The following FANCI variants were observed in gnomAD, a reference collection of about 807,000 sequenced individuals.
FANCI encodes the protein Fanconi anemia group I protein.
In FANCI, 156 loss-of-function variants were observed where a neutral mutation model predicts 176.1. That is an observed-to-expected ratio of 0.89 (90% confidence interval 0.78 to 1.01). The LOEUF (loss-of-function observed/expected upper bound fraction) is 1.01, where lower values mean the gene tolerates loss of function less well. Among genes scored for constraint, FANCI ranks in the 50% least tolerant of loss-of-function variants. The pLI is 0.00. For missense variants in FANCI, 1,678 were observed against 1,534.1 expected (o/e 1.09, Z -1.57); for synonymous variants, 613 against 541.7 (o/e 1.13, Z -1.83).
At chr15:89,251,199 G>A (rs1390379676) in intron 2 of FANCI, among the ~76,000 whole-genome samples, 2 of 152,150 alleles carry the variant, frequency 1.3e-5, no homozygotes, top group African/African-American at 4.8e-5. Flanking sequence ...AAATAAATTT[G>A]AAAACCTAGA....
chr15:89,264,648 T>C (rs772670019), intron 9 of FANCI, 41 bp downstream of exon 9: 1 of 1,540,100 alleles, frequency 6.5e-7, no homozygotes, highest in Non-Finnish European at 9.0e-7. Context: ...TTTTTACAAA[T>C]TCATCTTCTC....
rs1394943065 is a variant in FANCI at position 89,264,474 on chromosome 15, T to G, written c.670-48T>G. On this transcript the variant is annotated intron_variant, in intron 8 of 37. Transcript: ENST00000310775. ...AAAACTACTTTGAATTCAAATTGGT[T>G]ATTTTGCTGTTAATTGGGAGACCTT... is the stretch of plus-strand genomic sequence containing the variant. 6.1e-6 allele frequency: 9 copies of G among 1,477,098 alleles called. No homozygotes were observed. The Middle Eastern group carries it at 5.1e-4, about 84-fold the overall frequency. 91.5% of individuals were successfully genotyped at this position (1,477,098 alleles called of 1,614,324 possible). A position where few individuals can be genotyped will look rare whatever the true frequency, so the allele number is the denominator to read the frequency against.
At chr15:89,309,762 TTAG>T (rs1314038857) in intron 34 of FANCI, among the ~76,000 whole-genome samples, 1 of 152,198 alleles carries the variant, frequency 6.6e-6, no homozygotes, top group African/African-American at 2.4e-5. Flanking sequence ...AGTATGTTCA[TTAG>T]TAGTTTTCAG....
intron 9 of FANCI, among the ~76,000 whole-genome samples, chr15:89,266,003 T>C (rs576389380): frequency 8.0e-5 from 12 of 150,788 alleles, no homozygotes; most frequent in African/African-American, 2.7e-4. Flanking sequence ...TATTTCTTTT[T>C]TTTTTTTTTT....
chr15:89,265,183 AAG>A (rs938094085), intron 9 of FANCI, among the ~76,000 whole-genome samples: 2 of 152,118 alleles, frequency 1.3e-5, no homozygotes, highest in Admixed American at 1.3e-4. Flanking sequence ...ATGTCTGAGA[AAG>A]AGGATTTTGG....
At chr15:89,313,973 T>TCACACACACACACACACA (rs139859584) in intron 35 of FANCI, among the ~76,000 whole-genome samples, 6 of 98,354 alleles carry the variant, frequency 6.1e-5, no homozygotes, top group African/African-American at 2.6e-4. Context: ...AGATATATAA[T>TCACACACACACACACACA]CACACACACA....
At chr15:89,283,821 C>T (rs9806639) in intron 17 of FANCI, among the ~76,000 whole-genome samples, 6,447 of 151,032 alleles carry the variant, frequency 0.043, 437 homozygotes, top group African/African-American at 0.15. Flanking sequence ...GGCGCGATCT[C>T]GGCTCACTGC....
At chr15:89,273,299 C>CTTTTTTT in intron 10 of FANCI, 78 bp from the exon 11 acceptor site, 1 of 643,766 alleles carries the variant, frequency 1.6e-6, no homozygotes, top group African/African-American at 2.3e-5. Flanking sequence ...GAGACCCAAT[C>CTTTTTTT]TTTTTTTTTT....
chr15:89,302,720 C>T (rs917333774), intron 27 of FANCI, among the ~76,000 whole-genome samples: 1 of 151,952 alleles, frequency 6.6e-6, no homozygotes, highest in East Asian at 1.9e-4. Flanking sequence ...ACTACAGGCG[C>T]CTGCCACAAC....
chr15:89,307,899 T>C (rs924607609), intron 34 of FANCI: 7 of 1,413,366 alleles, frequency 5.0e-6, no homozygotes, highest in Non-Finnish European at 6.4e-6. Flanking sequence ...AGCATATATG[T>C]TTGCATTTGG....
rs1369658080 is a variant in FANCI, at chr15:89,264,442, T to C, written c.670-80T>C. 37 of 1,167,324 alleles carry C rather than the reference T, an allele frequency of 3.2e-5. 1 individual carries two copies. In the Admixed American group the frequency reaches 5.8e-4, roughly 18 times the overall value. The allele number at this position is 1,167,324 out of a possible 1,614,324, so 72.3% of individuals were successfully genotyped here. On this transcript the variant is annotated intron_variant, in intron 8 of 37. Transcript: ENST00000310775. ...TTTAAATTTGTACTGGAGAATTCTT[T>C]AAGCTGAAAACTACTTTGAATTCAA...
At chr15:89,277,697 A>G (rs2053463006) in intron 13 of FANCI, among the ~76,000 whole-genome samples, 1 of 151,790 alleles carries the variant, frequency 6.6e-6, no homozygotes, top group African/African-American at 2.4e-5. Flanking sequence ...TTTTTTTGAC[A>G]TTATTACCAA....
At chr15:89,278,138 A>T (rs1416195380) in intron 13 of FANCI, among the ~76,000 whole-genome samples, 1 of 152,210 alleles carries the variant, frequency 6.6e-6, no homozygotes, top group African/African-American at 2.4e-5. Context: ...AATTGCTACT[A>T]AGTCACTAAC....
At chr15:89,277,025 T>G (rs767551810) in intron 13 of FANCI, 134 bp downstream of exon 13, 156 of 862,764 alleles carry the variant, frequency 1.8e-4, no homozygotes, top group Non-Finnish European at 2.6e-4. Flanking sequence ...ATGACAGAGA[T>G]TAGGATAATA....
rs778268787 is a variant in FANCI, at chr15:89,283,216, CCT to C, written c.1668_1669del (p.Gln557ValfsTer24). The C allele has an allele frequency of 1.9e-6, 3 of 1,613,962 alleles. No individual in the cohort carries two copies. The highest frequency in any genetic ancestry group is 8.5e-7 in the Non-Finnish European group (1 of 1,179,940). ...TTTAAAGTTTTAGGCAGCCTGTCAT[CCT>C]CTCAGTGCAGTCAGTCTCTCAGTGT... On this transcript the variant is annotated frameshift_variant, in exon 17 of 38. Transcript: ENST00000310775. LOFTEE classifies it high-confidence loss of function.
chr15:89,263,569 A>T, intron 7 of FANCI, 109 bp downstream of exon 7: 1 of 988,218 alleles, frequency 1.0e-6, no homozygotes, highest in South Asian at 1.3e-5. Flanking sequence ...TTGTAAGAAT[A>T]TTAGTAGTTA....
intron 21 of FANCI, 37 bp downstream of exon 21, chr15:89,292,901 G>A (rs2054120509): frequency 6.2e-7 from 1 of 1,613,968 alleles, no homozygotes; most frequent in Admixed American, 1.7e-5. Flanking sequence ...GAATGATGGA[G>A]TTCTTTAGTA....
intron 32 of FANCI, among the ~76,000 whole-genome samples, chr15:89,307,225 A>C (rs2054757103): frequency 6.6e-6 from 1 of 152,248 alleles, no homozygotes; most frequent in Admixed American, 6.5e-5. Flanking sequence ...GGTTTTTTAC[A>C]TGCAGGGACT....
chr15:89,275,613 T>G (rs1168297873), intron 12 of FANCI, among the ~76,000 whole-genome samples: 1 of 152,218 alleles, frequency 6.6e-6, no homozygotes, highest in Non-Finnish European at 1.5e-5. Context: ...TTGTTAGGCC[T>G]TAAAGCTTTT....
Sources: gnomAD v4.1 joint callset for allele counts (sites outside exome capture counted in the v4.1 genomes callset) on GRCh38, gnomAD v4.1.1 for gene constraint, MANE v1.5 for transcripts, NCBI Gene and HGNC (gene_info 2026-07-23, HGNC 2026-07-21) for gene names.